Variants in NRXN3 observed in about 807,000 individuals in gnomAD.
The protein encoded by NRXN3 is neurexin III.
NRXN3 carries 32 observed loss-of-function variants against 137.6 expected under a neutral mutation model. The ratio of observed to expected loss-of-function variants is 0.23; its 90% CI spans 0.18 to 0.31. The LOEUF is 0.31. NRXN3 is among the 10% of genes least tolerant of loss of function. The pLI is 1.00. For synonymous variants in NRXN3, 798 were observed against 784.5 expected (o/e 1.02, Z -0.29); for missense variants, 1,574 against 2,062.5 (o/e 0.76, Z 4.59).
intron 15 of NRXN3, among the ~76,000 whole-genome samples, chr14:79,046,716 A>G (rs1325771228): frequency 6.6e-6 from 1 of 152,194 alleles, no homozygotes; most frequent in East Asian, 1.9e-4. Context: ...ATCCTCCTCT[A>G]TAAAAACCTG....
At chr14:79,088,028 G>T (rs2048460456) in intron 15 of NRXN3, among the ~76,000 whole-genome samples, 2 of 140,398 alleles carry the variant, frequency 1.4e-5, no homozygotes, top group African/African-American at 6.6e-5. Flanking sequence ...AGCTCACAAT[G>T]GTACTTGAAG....
chr14:79,214,904 T>C (rs551022104), intron 15 of NRXN3, among the ~76,000 whole-genome samples: 89 of 152,316 alleles, frequency 5.8e-4, no homozygotes, highest in African/African-American at 2.0e-3. Flanking sequence ...ATGAAAAATA[T>C]TTTCCTTCCT....
chr14:79,337,840 C>G (rs955412050), intron 15 of NRXN3, among the ~76,000 whole-genome samples: 3 of 152,108 alleles, frequency 2.0e-5, no homozygotes, highest in Non-Finnish European at 4.4e-5. Flanking sequence ...GTTTTTCATA[C>G]CGTATTACTG....
chr14:79,013,936 G>A (rs566585408), intron 15 of NRXN3, among the ~76,000 whole-genome samples: 6 of 152,128 alleles, frequency 3.9e-5, no homozygotes, highest in Non-Finnish European at 7.4e-5. Flanking sequence ...CTTCCCTACT[G>A]TCATGGGGTT....
intron 19 of NRXN3, among the ~76,000 whole-genome samples, chr14:79,731,764 G>T (rs992215171): frequency 6.6e-5 from 10 of 151,406 alleles, no homozygotes; most frequent in African/African-American, 2.4e-4. Flanking sequence ...GATTACAGGC[G>T]TGAGCCACTG....
intron 3 of NRXN3, among the ~76,000 whole-genome samples, chr14:78,296,847 A>G (rs927445050): frequency 3.9e-5 from 6 of 151,938 alleles, no homozygotes; most frequent in African/African-American, 1.2e-4. Context: ...AATCCCCTAT[A>G]TCCCTGAATT....
intron 8 of NRXN3, among the ~76,000 whole-genome samples, chr14:78,797,506 G>A (rs1196217279): frequency 1.3e-5 from 2 of 152,042 alleles, no homozygotes; most frequent in Non-Finnish European, 2.9e-5. Context: ...TGAGAACAAT[G>A]ATTCATCAAG....
chr14:79,118,319 A>G (rs1300269134), intron 15 of NRXN3, among the ~76,000 whole-genome samples: 1 of 152,234 alleles, frequency 6.6e-6, no homozygotes, highest in Non-Finnish European at 1.5e-5. Flanking sequence ...CTGGATTTCC[A>G]TGTTCTGGGC....
intron 15 of NRXN3, among the ~76,000 whole-genome samples, chr14:79,246,101 A>G (rs1035698415): frequency 2.0e-5 from 3 of 152,320 alleles, no homozygotes; most frequent in East Asian, 3.9e-4. Context: ...TAGTTTTCCT[A>G]TTCCTTATAT....
At chr14:79,136,666 T>C (rs1380941170) in intron 15 of NRXN3, among the ~76,000 whole-genome samples, 2 of 152,206 alleles carry the variant, frequency 1.3e-5, no homozygotes, top group Non-Finnish European at 2.9e-5. Flanking sequence ...CTGTGCAGCA[T>C]GCTGGTGTGC....
chr14:79,808,099 G>C (rs917630419), intron 20 of NRXN3, among the ~76,000 whole-genome samples: 1 of 151,826 alleles, frequency 6.6e-6, no homozygotes, highest in Non-Finnish European at 1.5e-5. Flanking sequence ...TTAGCCAGGC[G>C]TGGTGGCAGG....
chr14:79,713,478 G>GTGTA (rs145838618), intron 19 of NRXN3, among the ~76,000 whole-genome samples: 3 of 135,370 alleles, frequency 2.2e-5, no homozygotes, highest in South Asian at 2.5e-4. Context: ...TATATATAAT[G>GTGTA]TATATATATA....
At chr14:79,119,500 A>G (rs1215564594) in intron 15 of NRXN3, among the ~76,000 whole-genome samples, 1 of 152,218 alleles carries the variant, frequency 6.6e-6, no homozygotes, top group Non-Finnish European at 1.5e-5. Flanking sequence ...CTTGTTCATT[A>G]TTAAATATTG....
chr14:78,430,145 G>A (rs2093821808), intron 4 of NRXN3, among the ~76,000 whole-genome samples: 1 of 152,196 alleles, frequency 6.6e-6, no homozygotes, highest in Non-Finnish European at 1.5e-5. Context: ...GGCTAAGGTG[G>A]GAAGACCACA....
chr14:79,006,198 C>T (rs1190918600), intron 15 of NRXN3, among the ~76,000 whole-genome samples: 1 of 152,168 alleles, frequency 6.6e-6, no homozygotes, highest in Non-Finnish European at 1.5e-5. Context: ...GCAGACAACA[C>T]GTGGCTGCAT....
intron 16 of NRXN3, among the ~76,000 whole-genome samples, chr14:79,610,670 G>A (rs1400769193): frequency 6.6e-6 from 1 of 152,190 alleles, no homozygotes; most frequent in Non-Finnish European, 1.5e-5. Flanking sequence ...AATTTAAACT[G>A]CTTCTAAATA....
At chr14:79,390,120 A>G (rs944193221) in intron 15 of NRXN3, among the ~76,000 whole-genome samples, 2 of 151,976 alleles carry the variant, frequency 1.3e-5, no homozygotes, top group African/African-American at 4.8e-5. Flanking sequence ...GATCCAGACC[A>G]TCCTGGCTAA....
chr14:78,416,344 C>T (rs987996081), intron 4 of NRXN3, among the ~76,000 whole-genome samples: 1 of 152,066 alleles, frequency 6.6e-6, no homozygotes, highest in Non-Finnish European at 1.5e-5. Context: ...CAGTTGAGCC[C>T]TGAATAAAGG....
chr14:78,925,139 G>T (rs2099283240), intron 10 of NRXN3, among the ~76,000 whole-genome samples: 1 of 152,168 alleles, frequency 6.6e-6, no homozygotes, highest in Non-Finnish European at 1.5e-5. Context: ...GATCTGTTAG[G>T]TTGTCTTTTA....
Sources: allele counts gnomAD v4.1 joint callset (sites outside exome capture counted in the v4.1 genomes callset), GRCh38; gene constraint gnomAD v4.1.1; transcripts MANE v1.5; gene names NCBI Gene and HGNC (gene_info 2026-07-23, HGNC 2026-07-21).